Variants in SBNO1 observed in about 807,000 individuals in gnomAD.
The protein encoded by SBNO1 is strawberry notch homolog 1.
A neutral mutation model predicts 173.6 loss-of-function variants in SBNO1; 23 were observed. The observed-to-expected ratio is 0.13, with a 90% confidence interval of 0.10 to 0.19. SBNO1 has a LOEUF of 0.19. SBNO1 is among the 10% of genes least tolerant of loss of function. SBNO1 has a pLI of 1.00. For missense variants in SBNO1, 1,238 were observed against 1,671.2 expected, an observed-to-expected ratio of 0.74 and a Z score of 4.52; for synonymous variants, 632 against 571.5, an observed-to-expected ratio of 1.11 and a Z score of -1.51.
intron 6 of SBNO1, among the ~76,000 whole-genome samples, chr12:123,334,878 C>G (rs1566043226): frequency 6.6e-6 from 1 of 152,142 alleles, no homozygotes; most frequent in Non-Finnish European, 1.5e-5. Context: ...TTCAGTAAAA[C>G]AAAAGTTTGC....
At chr12:123,363,923 A>T (rs951936014) in intron 1 of SBNO1, 25 of 985,336 alleles carry the variant, frequency 2.5e-5, no homozygotes, top group Non-Finnish European at 3.0e-5. Context: ...CAGCGGTTAA[A>T]CCGACCCCAA....
chr12:123,345,414 G>C lies in SBNO1; in HGVS notation c.394C>G (p.Pro132Ala). 4 of 1,614,156 alleles carry C rather than the reference G, an allele frequency of 2.5e-6. 1 individual carries two copies. The South Asian group carries it at 4.4e-5, about 18-fold the overall frequency. ...CGTACTGTTGGTGCTGAGACTGACG[G>C]GCGTGTGCTTGCAGTAGTCTGGATA... Reference protein sequence around the residue: ...KFIQTTASTRPSVSAPTVRNA... With the variant: ...KFIQTTASTRASVSAPTVRNA... The change falls in exon 4 of 32, where the codon CCG (proline) becomes GCG (alanine). Residue 132 changes from proline (P) to alanine (A), a missense_variant. Around this residue, in one of 14 missense-constraint regions of SBNO1, gnomAD observed 287 missense variants for 274.1 expected, o/e 1.05. Coordinates refer to ENST00000602398, the MANE Select transcript of SBNO1 (RefSeq NM_001167856.3).
chr12:123,311,722 A>ATCTATCTATC (rs55840692), intron 24 of SBNO1, among the ~76,000 whole-genome samples: 5,063 of 94,140 alleles, frequency 0.054, 112 homozygotes, highest in Non-Finnish European at 0.069. Flanking sequence ...CTATCTATCT[A>ATCTATCTATC]TATATATATA....
At chr12:123,303,211 A>C (rs2048837747) in intron 29 of SBNO1, among the ~76,000 whole-genome samples, 1 of 152,186 alleles carries the variant, frequency 6.6e-6, no homozygotes, top group South Asian at 2.1e-4. Flanking sequence ...GTCGCTTAAC[A>C]TTTTCTATAA....
chr12:123,347,989 A>C (rs774656872), intron 3 of SBNO1, 40 bp downstream of exon 3: 1 of 1,305,036 alleles, frequency 7.7e-7, no homozygotes, highest in Non-Finnish European at 1.1e-6. Context: ...TACACTTCTA[A>C]ACTATTTTAG....
At chr12:123,337,151 C>A (rs773538280) in intron 5 of SBNO1, among the ~76,000 whole-genome samples, 6 of 152,066 alleles carry the variant, frequency 3.9e-5, no homozygotes, top group Non-Finnish European at 7.4e-5. Context: ...TTTTCCAAAC[C>A]CTGGCACATT....
intron 1 of SBNO1, among the ~76,000 whole-genome samples, chr12:123,361,914 G>C (rs1343965936): frequency 6.6e-6 from 1 of 151,758 alleles, no homozygotes; most frequent in East Asian, 1.9e-4. Context: ...GCCGAGGCAG[G>C]CGGATCACCA....
intron 1 of SBNO1, among the ~76,000 whole-genome samples, chr12:123,360,944 C>T (rs1416450650): frequency 1.3e-5 from 2 of 151,960 alleles, no homozygotes; most frequent in African/African-American, 4.8e-5. Context: ...AGCCCCATCC[C>T]TATTAAAAAT....
rs1226893081 is a variant in SBNO1 at position 123,291,402 on chromosome 12, T to G, written c.*4506A>C. On this transcript the variant is annotated 3_prime_UTR_variant, in exon 32 of 32. Transcript: ENST00000602398. ...AATGCACTGAAGAAGTTAGAGGAGC[T>G]TAAAGAAGTCTCAGGAAGCATTTTT... 1 of 152,112 alleles carries G rather than the reference T, an allele frequency of 6.6e-6. No individual in the cohort carries two copies. Among genetic ancestry groups the G allele is most frequent in the Non-Finnish European group, 1.5e-5 (1 of 68,022 alleles). The allele number at this position is 152,112 out of a possible 1,614,324, so 9.4% of individuals were successfully genotyped here. A position where few individuals can be genotyped will look rare whatever the true frequency, so the allele number is the denominator to read the frequency against.
chr12:123,309,259 G>C, intron 28 of SBNO1, 51 bp downstream of exon 28: 2 of 1,286,466 alleles, frequency 1.6e-6, no homozygotes, highest in Non-Finnish European at 2.3e-6. Flanking sequence ...TACAATGCTG[G>C]CCATTAAAAA....
rs2139054644 is a variant in SBNO1, at chr12:123,345,284, A to G, written c.524T>C (p.Ile175Thr). Residue 175 changes from isoleucine to threonine, a missense_variant, in exon 4 of 32, where the codon ATT (isoleucine) becomes ACT (threonine). By Grantham distance (89) the Ile-to-Thr change is moderately conservative. This residue lies in a region of SBNO1 where 287 missense variants were observed against 274.1 expected (regional missense o/e 1.05). Coordinates refer to ENST00000602398, the MANE Select transcript of SBNO1 (RefSeq NM_001167856.3). ...AGCTGCTGTTGCTACTGGCTGAGCA[A>G]TATTAGCAGGTGGCTTTAGTTTCAT... ...ELMKLKPPAN[I>T]AQPVATAATD... The G allele has an allele frequency of 6.2e-7, 1 of 1,614,078 alleles. No individual in the cohort carries two copies. The highest frequency in any genetic ancestry group is 1.1e-5 in the South Asian group (1 of 91,082).
intron 24 of SBNO1, 31 bp from the exon 25 acceptor site, chr12:123,311,160 A>T (rs1868447723): frequency 1.3e-6 from 2 of 1,510,776 alleles, no homozygotes; most frequent in Non-Finnish European, 1.8e-6. Context: ...CTGACTCATA[A>T]ATTACAAGGG....
At chr12:123,318,035 C>G (rs1253038326) in intron 20 of SBNO1, among the ~76,000 whole-genome samples, 2 of 152,180 alleles carry the variant, frequency 1.3e-5, no homozygotes, top group African/African-American at 2.4e-5. Flanking sequence ...AATCATAGCT[C>G]TCTACAGTTT....
chr12:123,326,017 A>C, intron 14 of SBNO1, 135 bp downstream of exon 14: 1 of 581,592 alleles, frequency 1.7e-6, no homozygotes, highest in Non-Finnish European at 2.9e-6. Context: ...TGCTTTTATA[A>C]TTTTAAGAAA....
In SBNO1 at chr12:123,313,722, GC is replaced by G. The variant is rs1430205678; in HGVS notation, c.3121-4del. The G allele has an allele frequency of 1.3e-6, 2 of 1,568,328 alleles. No individual in the cohort carries two copies. The highest frequency in any genetic ancestry group is 1.1e-5 in the South Asian group (1 of 89,350). ...ATTTCTAAAGCATTTCTTCCATACT[GC>G]AAAAAAAAATCAAAACCTTTAACCA... is the stretch of plus-strand genomic sequence containing the variant. On this transcript the variant is annotated splice_polypyrimidine_tract_variant and splice_region_variant and intron_variant, in intron 23 of 31. Transcript: ENST00000602398.
At position 123,333,502 on chromosome 12, in the gene SBNO1, TATA is replaced by T. The variant is rs532644944; in HGVS notation, c.909+548_909+550del. Among the ~76,000 whole-genome samples, 17 of 152,154 alleles carry T rather than the reference TATA, an allele frequency of 1.1e-4. No homozygotes were observed. In the South Asian group the frequency reaches 2.5e-3, roughly 22 times the overall value. The stretch of plus-strand genomic sequence containing the variant: ...ATATATACACACACATATACATATA[TATA>T]ATTTTTTTTTTTTGAGACAGGGTCT... On this transcript the variant is annotated intron_variant, in intron 7 of 31. Coordinates refer to ENST00000602398, the MANE Select transcript of SBNO1 (RefSeq NM_001167856.3).
chr12:123,318,751 A>G (rs1869601284), intron 20 of SBNO1, among the ~76,000 whole-genome samples: 1 of 151,792 alleles, frequency 6.6e-6, no homozygotes, highest in Non-Finnish European at 1.5e-5. Context: ...AAAAAAAAAA[A>G]AAAGAGTCTC....
At chr12:123,323,634 G>A (rs774815016) in intron 16 of SBNO1, 46 bp downstream of exon 16, 19 of 1,492,548 alleles carry the variant, frequency 1.3e-5, no homozygotes, top group Non-Finnish European at 1.7e-5. Context: ...GATTACAGGT[G>A]TGAGCCACCG....
chr12:123,327,373 A>T, intron 13 of SBNO1, 53 bp downstream of exon 13: 1 of 1,494,430 alleles, frequency 6.7e-7, no homozygotes, highest in Non-Finnish European at 9.2e-7. Context: ...AAACTAACAG[A>T]AACATTATCA....
Sources: gnomAD v4.1 joint callset for allele counts (sites outside exome capture counted in the v4.1 genomes callset) on GRCh38, gnomAD v4.1.1 for gene constraint, gnomAD v4.1.1 regional missense constraint, MANE v1.5 for transcripts, NCBI Gene and HGNC (gene_info 2026-07-23, HGNC 2026-07-21) for gene names.